The following RNF175 variants were observed in gnomAD, a reference collection of about 807,000 sequenced individuals.
RNF175 encodes ring finger protein 175.
RNF175 carries 38 observed loss-of-function variants against 50.0 expected under a neutral mutation model. The ratio of observed to expected loss-of-function variants is 0.76; its 90% CI spans 0.59 to 1.00. The LOEUF (loss-of-function observed/expected upper bound fraction) is 1.00, where lower values mean the gene tolerates loss of function less well. Ranked by LOEUF, RNF175 falls within the 50% of genes least tolerant of loss-of-function variation. RNF175 has a pLI of 0.00. For missense variants in RNF175, 388 were observed against 409.6 expected, an observed-to-expected ratio of 0.95 and a Z score of 0.46; for synonymous variants, 155 against 146.1, an observed-to-expected ratio of 1.06 and a Z score of -0.44.
At chr4:153,718,874 G>A (rs1017347026) in intron 6 of RNF175, among the ~76,000 whole-genome samples, 1 of 152,196 alleles carries the variant, frequency 6.6e-6, no homozygotes, top group Admixed American at 6.5e-5. Flanking sequence ...CAAGGTCATA[G>A]CCACTTAGGT....
chr4:153,736,605 G>A (rs1739364006), intron 3 of RNF175, among the ~76,000 whole-genome samples: 1 of 152,102 alleles, frequency 6.6e-6, no homozygotes. Flanking sequence ...TTCTTTAAAT[G>A]TTTGGTAGAA....
chr4:153,747,830 A>G (rs983934147), intron 3 of RNF175, among the ~76,000 whole-genome samples: 2 of 152,226 alleles, frequency 1.3e-5, no homozygotes, highest in Non-Finnish European at 2.9e-5. Flanking sequence ...TTTCTTTCTT[A>G]GTCTGTTTTC....
Position 153,728,247 on chromosome 4 carries a change from A to G in RNF175, c.361T>C (p.Phe121Leu). Residue 121 changes from phenylalanine to leucine, a missense_variant, in exon 4 of 9, where the codon TTC becomes CTC. Physicochemically the swap from Phe to Leu is conservative, Grantham distance 22. Transcript: ENST00000347063. ...MFSVITSYILFRATRKPLSGR... is the reference protein window; with the variant it reads ...MFSVITSYILLRATRKPLSGR... ...GAGAGGGGTTTTCGGGTAGCTCTGA[A>G]GAGGATGTAACTGGTAATAACGGAG... 1 of 1,613,634 alleles carries G rather than the reference A, an allele frequency of 6.2e-7. No homozygotes were observed. The highest frequency in any genetic ancestry group is 8.5e-7 in the Non-Finnish European group (1 of 1,179,626).
intron 3 of RNF175, among the ~76,000 whole-genome samples, chr4:153,746,332 T>C (rs1739968546): frequency 6.6e-6 from 1 of 152,256 alleles, no homozygotes; most frequent in African/African-American, 2.4e-5. Flanking sequence ...CTGGGCATAG[T>C]GAGGTAGGGT....
intron 7 of RNF175, chr4:153,713,694 A>G (rs557554658): frequency 5.3e-5 from 8 of 152,314 alleles, no homozygotes; most frequent in Non-Finnish European, 7.3e-5. Context: ...TTAAATTTCA[A>G]TGTAACCAGG....
At chr4:153,743,448 A>C (rs1162889588) in intron 3 of RNF175, among the ~76,000 whole-genome samples, 1 of 152,206 alleles carries the variant, frequency 6.6e-6, no homozygotes, top group East Asian at 1.9e-4. Flanking sequence ...ATTGATGTGC[A>C]AAGAAGTAGA....
chr4:153,754,995 T>C lies in RNF175; in HGVS notation c.67-3520A>G, dbSNP rs548456602. ...TAGTACAGGTACATTGAAACTTCCA[T>C]CTTCCCTGTCCCAGCAGATCCTTGC... On this transcript the variant is annotated intron_variant, in intron 1 of 8. Transcript: ENST00000347063. Among the ~76,000 whole-genome samples the C allele has an allele frequency of 2.4e-4, 36 of 152,356 alleles. No individual in the cohort carries two copies. The South Asian group carries it at 7.0e-3, about 30-fold the overall frequency.
chr4:153,758,667 G>C (rs1218824806), intron 1 of RNF175, among the ~76,000 whole-genome samples: 1 of 151,986 alleles, frequency 6.6e-6, no homozygotes, highest in Non-Finnish European at 1.5e-5. Flanking sequence ...CCACAGCCTA[G>C]CCCACCCTTA....
intron 4 of RNF175, among the ~76,000 whole-genome samples, chr4:153,727,984 T>C (rs561552184): frequency 6.6e-6 from 1 of 152,320 alleles, no homozygotes; most frequent in South Asian, 2.1e-4. Flanking sequence ...TAGCTAATAT[T>C]TGAAGTAATA....
intron 3 of RNF175, among the ~76,000 whole-genome samples, chr4:153,746,363 G>A (rs1052275121): frequency 6.6e-6 from 1 of 152,228 alleles, no homozygotes; most frequent in Non-Finnish European, 1.5e-5. Context: ...GAGGCCTCAG[G>A]AACAGCCTTG....
intron 6 of RNF175, among the ~76,000 whole-genome samples, chr4:153,716,654 T>A (rs916313539): frequency 6.6e-6 from 1 of 152,194 alleles, no homozygotes; most frequent in African/African-American, 2.4e-5. Flanking sequence ...ATATCTAGTT[T>A]CCCTATATTA....
At position 153,712,460 on chromosome 4, in the gene RNF175, T is replaced by G. The variant is rs1336926253; in HGVS notation, c.866+15A>C. 1 of 1,388,450 alleles carries G rather than the reference T, an allele frequency of 7.2e-7. No individual in the cohort carries two copies. Among genetic ancestry groups the G allele is most frequent in the East Asian group, 2.3e-5 (1 of 43,794 alleles). The allele number at this position is 1,388,450 out of a possible 1,614,324, so 86.0% of individuals were successfully genotyped here. A position where few individuals can be genotyped will look rare whatever the true frequency, so the allele number is the denominator to read the frequency against. ...TCAAGATAATCTCTTATAACCTTTT[T>G]GTTTTAAAGGATATGGATTACTGAT... is the stretch of plus-strand genomic sequence containing the variant. On this transcript the variant is annotated intron_variant, in intron 8 of 8. Coordinates refer to ENST00000347063, the MANE Select transcript of RNF175 (RefSeq NM_173662.4).
intron 2 of RNF175, 24 bp downstream of exon 2, chr4:153,751,414 T>G (rs1189768469): frequency 1.4e-6 from 2 of 1,477,040 alleles, no homozygotes; most frequent in Non-Finnish European, 1.8e-6. Flanking sequence ...GCAAAACAAC[T>G]CTTAAAAAAT....
At chr4:153,759,373 G>A (rs892079192) in intron 1 of RNF175, among the ~76,000 whole-genome samples, 3 of 152,164 alleles carry the variant, frequency 2.0e-5, no homozygotes, top group East Asian at 1.9e-4. Flanking sequence ...CCAAAAGCCT[G>A]CAGTACACCC....
At chr4:153,735,783 A>C (rs1739322467) in intron 3 of RNF175, among the ~76,000 whole-genome samples, 1 of 152,132 alleles carries the variant, frequency 6.6e-6, no homozygotes, top group Admixed American at 6.5e-5. Context: ...ATTGTGTTTT[A>C]ATTTCAAATT....
At chr4:153,751,023 T>G (rs1740266438) in intron 2 of RNF175, among the ~76,000 whole-genome samples, 1 of 152,158 alleles carries the variant, frequency 6.6e-6, no homozygotes, top group African/African-American at 2.4e-5. Context: ...AGTAGGAATA[T>G]ATCCAAAATT....
chr4:153,732,342 T>A (rs990598782), intron 3 of RNF175, among the ~76,000 whole-genome samples: 3 of 152,206 alleles, frequency 2.0e-5, no homozygotes, highest in South Asian at 2.1e-4. Flanking sequence ...TCACTTTTTT[T>A]AATCTCCACA....
At chr4:153,726,767 C>T (rs1738722923) in intron 4 of RNF175, among the ~76,000 whole-genome samples, 1 of 152,174 alleles carries the variant, frequency 6.6e-6, no homozygotes, top group African/African-American at 2.4e-5. Context: ...CTAGAAGAGG[C>T]CCTACTTCAC....
At chr4:153,736,304 A>G (rs1369329622) in intron 3 of RNF175, among the ~76,000 whole-genome samples, 3 of 152,220 alleles carry the variant, frequency 2.0e-5, no homozygotes, top group African/African-American at 7.2e-5. Context: ...TCATATCTGG[A>G]ATAAATCTCA....
Sources: allele counts gnomAD v4.1 joint callset (sites outside exome capture counted in the v4.1 genomes callset), GRCh38; gene constraint gnomAD v4.1.1; transcripts MANE v1.5; gene names NCBI Gene and HGNC (gene_info 2026-07-23, HGNC 2026-07-21).